PPEF1: variants seen among roughly 807,000 people sequenced by gnomAD.
PPEF1 encodes serine/threonine-protein phosphatase with EF-hands 1.
Under a neutral mutation model 53.3 loss-of-function variants are expected in PPEF1, and 12 were observed. That is an observed-to-expected ratio of 0.23 (90% confidence interval 0.14 to 0.36). The LOEUF is 0.36. PPEF1 is among the 10% of genes least tolerant of loss of function. PPEF1 has a pLI of 1.00. For missense variants in PPEF1, 334 were observed against 490.4 expected, an observed-to-expected ratio of 0.68 and a Z score of 3.01; for synonymous variants, 165 against 176.7, an observed-to-expected ratio of 0.93 and a Z score of 0.52.
At chrX:18,774,192 C>T (rs773828015) in intron 6 of PPEF1, among the ~76,000 whole-genome samples, 6 of 111,038 alleles carry the variant, frequency 5.4e-5, no homozygotes, top group East Asian at 2.8e-4. Context: ...CGGGTTCAAG[C>T]GATTCTCCTG....
intron 1 of PPEF1, among the ~76,000 whole-genome samples, chrX:18,727,854 GAAACAGAT>G (rs2044743028): frequency 1.8e-5 from 2 of 111,772 alleles, no homozygotes; most frequent in African/African-American, 6.5e-5. Flanking sequence ...TATTACAAAG[GAAACAGAT>G]AAAGAGATGC....
chrX:18,721,229 C>T (rs4289946), intron 1 of PPEF1, among the ~76,000 whole-genome samples: 48,011 of 110,689 alleles, frequency 0.43, 8,387 homozygotes, highest in Non-Finnish European at 0.56. Flanking sequence ...GTTAAAAAAA[C>T]TAATGTGTGA....
intron 1 of PPEF1, among the ~76,000 whole-genome samples, chrX:18,711,326 T>A (rs747354981): frequency 1.0e-4 from 1 of 9,750 alleles, no homozygotes; most frequent in African/African-American, 4.1e-4. Context: ...GCTGGGAGGG[T>A]GGGAGGGGGG....
At chrX:18,743,294 G>T (rs904392750) in intron 3 of PPEF1, among the ~76,000 whole-genome samples, 1 of 111,117 alleles carries the variant, frequency 9.0e-6, no homozygotes, top group Non-Finnish European at 1.9e-5. Flanking sequence ...CAGTTCAGTT[G>T]CTCCATATCC....
intron 6 of PPEF1, among the ~76,000 whole-genome samples, chrX:18,701,143 C>T (rs1451507731): frequency 6.2e-5 from 7 of 112,138 alleles, no homozygotes; most frequent in South Asian, 3.7e-4. Context: ...AAATATAAAG[C>T]ACCCACTATG....
chrX:18,788,331 A>G (rs1339124049), intron 9 of PPEF1, among the ~76,000 whole-genome samples: 3 of 68,495 alleles, frequency 4.4e-5, no homozygotes, highest in Non-Finnish European at 9.1e-5. Flanking sequence ...AAAAAAAGGA[A>G]ACTTAAGTGC....
Position 18,827,447 on chromosome X carries a change from A to G in PPEF1, c.1922A>G (p.Tyr641Cys). The G allele has an allele frequency of 8.3e-7, 1 of 1,211,393 alleles. No homozygotes were observed. Among genetic ancestry groups the G allele is most frequent in the Non-Finnish European group, 1.1e-6 (1 of 895,199 alleles). Residue 641 changes from tyrosine to cysteine, a missense_variant, in exon 16 of 16, where the codon TAT (tyrosine) becomes TGT (cysteine). Tyr to Cys is a radical substitution (Grantham distance 194). Coordinates refer to ENST00000470157, the MANE Select transcript of PPEF1 (RefSeq NM_001377996.1). The stretch of plus-strand genomic sequence containing the variant: ...AAGGCTTTCTATGTAGTGCATAGAT[A>G]TGAAGACTTGATGAAACCTGATGTC... ...FLKAFYVVHR[Y>C]EDLMKPDVTN...
rs763136293 is a variant in PPEF1, at chrX:18,757,654, G to A, written c.424G>A (p.Val142Met). 2.5e-6 allele frequency: 3 copies of A among 1,209,150 alleles called. No individual in the cohort carries two copies. Among genetic ancestry groups the A allele is most frequent in the Non-Finnish European group, 3.4e-6 (3 of 893,504 alleles). ...QILHAHYVLE[V>M]LFETKKVLKQ... is the part of the protein sequence containing the mutation. ...ACTTCATGCCCATTATGTCTTAGAG[G>A]TGCTATTTGAAACCAAGAAAGTCCT... The change falls in exon 5 of 16, where the codon GTG becomes ATG. Residue 142 changes from valine to methionine, a missense_variant. Transcript: ENST00000470157.
intron 6 of PPEF1, among the ~76,000 whole-genome samples, chrX:18,767,849 T>G (rs2045893269): frequency 9.0e-6 from 1 of 110,715 alleles, no homozygotes; most frequent in African/African-American, 3.3e-5. Flanking sequence ...TGGGGGGTGA[T>G]GGATTTCTCT....
Position 18,775,028 on chromosome X carries a change from CTTA to C in PPEF1, c.559-3976_559-3974del, listed in dbSNP as rs748570393. 7.1e-3 allele frequency among the ~76,000 whole-genome samples: 782 copies of C among 110,160 alleles called. 6 individuals are homozygous for C. Among genetic ancestry groups the C allele is most frequent in the African/African-American group, 0.025 (742 of 30,282 alleles). On this transcript the variant is annotated intron_variant, in intron 6 of 15. Transcript: ENST00000470157. ...GTTCCTTTTTCCTGATTTTGAAATGCTTATTATTGGCATATTAAGTCTCTTGGC... is the reference window on the plus strand; with the variant it reads ...GTTCCTTTTTCCTGATTTTGAAATGCTTATTGGCATATTAAGTCTCTTGGC...
At chrX:18,790,999 C>CT (rs781606962) in intron 10 of PPEF1, among the ~76,000 whole-genome samples, 444 of 111,546 alleles carry the variant, frequency 4.0e-3, no homozygotes, top group Non-Finnish European at 6.5e-3. Flanking sequence ...AAAGACTATA[C>CT]TTTCCTTGTT....
At chrX:18,726,345 C>G in intron 1 of PPEF1, among the ~76,000 whole-genome samples, 1 of 94,973 alleles carries the variant, frequency 1.1e-5, no homozygotes, top group Admixed American at 1.1e-4. Context: ...AGACGAGACT[C>G]TGACTCAAAT....
At chrX:18,715,233 T>C (rs1381758642) in intron 1 of PPEF1, among the ~76,000 whole-genome samples, 1 of 108,970 alleles carries the variant, frequency 9.2e-6, no homozygotes, top group Admixed American at 9.8e-5. Context: ...AGACCCTGAC[T>C]CTTAAAAGAA....
chrX:18,704,546 G>A (rs907848097), upstream of PPEF1, among the ~76,000 whole-genome samples: 1 of 110,572 alleles, frequency 9.0e-6, no homozygotes, highest in East Asian at 2.8e-4. Context: ...GATGAACAGT[G>A]CCCCAATTTC....
chrX:18,740,472 C>T (rs768018582), intron 3 of PPEF1, among the ~76,000 whole-genome samples: 56 of 107,611 alleles, frequency 5.2e-4, no homozygotes, highest in African/African-American at 1.7e-3. Flanking sequence ...TGCAGTGGCA[C>T]GGTCTCGGCT....
chrX:18,788,076 G>A (rs777891048), intron 9 of PPEF1, among the ~76,000 whole-genome samples: 1 of 111,593 alleles, frequency 9.0e-6, no homozygotes, highest in African/African-American at 3.3e-5. Context: ...GAGCACTTTG[G>A]GAGGCCAAGG....
chrX:18,796,492 T>C (rs2046435595), intron 10 of PPEF1, among the ~76,000 whole-genome samples: 1 of 112,599 alleles, frequency 8.9e-6, no homozygotes, highest in Non-Finnish European at 1.9e-5. Context: ...CAAGTACACA[T>C]AGACACGTGC....
intron 6 of PPEF1, among the ~76,000 whole-genome samples, chrX:18,766,157 C>T (rs1307971119): frequency 2.7e-5 from 3 of 109,139 alleles, no homozygotes; most frequent in Non-Finnish European, 5.7e-5. Context: ...GAGAATGACA[C>T]GTAGAGCTTG....
At chrX:18,714,365 G>A (rs1031831386) in intron 1 of PPEF1, among the ~76,000 whole-genome samples, 1 of 99,340 alleles carries the variant, frequency 1.0e-5, no homozygotes, top group Non-Finnish European at 2.0e-5. Context: ...TTCACCTCCC[G>A]GGTTCAAGTG....
Sources: allele counts gnomAD v4.1 joint callset (sites outside exome capture counted in the v4.1 genomes callset), GRCh38; gene constraint gnomAD v4.1.1; transcripts MANE v1.5; gene names NCBI Gene and HGNC (gene_info 2026-07-23, HGNC 2026-07-21).